PTPRD: variants seen among roughly 807,000 people sequenced by gnomAD.
PTPRD encodes protein tyrosine phosphatase receptor type D.
Under a neutral mutation model 214.5 loss-of-function variants are expected in PTPRD, and 34 were observed. The ratio of observed to expected loss-of-function variants is 0.16; its 90% CI spans 0.12 to 0.21. The LOEUF is 0.21. PTPRD is among the 10% of genes least tolerant of loss of function. The pLI, the probability that PTPRD is intolerant of heterozygous loss-of-function variation, is 1.00. For synonymous variants in PTPRD, 1,128 were observed against 845.7 expected (o/e 1.33, Z -5.79); for missense variants, 2,545 against 2,398.7 (o/e 1.06, Z -1.27).
intron 5 of PTPRD, among the ~76,000 whole-genome samples, chr9:9,936,223 C>T (rs1285991376): frequency 2.7e-5 from 4 of 148,684 alleles, no homozygotes; most frequent in Non-Finnish European, 4.4e-5. Flanking sequence ...CCAAAATTGA[C>T]AAATGGGATC....
At chr9:8,589,691 A>G (rs149963378) in intron 14 of PTPRD, among the ~76,000 whole-genome samples, 146 of 152,254 alleles carry the variant, frequency 9.6e-4, no homozygotes, top group African/African-American at 3.3e-3. Flanking sequence ...CCTGTCTTGG[A>G]TAGTATCCTG....
intron 2 of PTPRD, among the ~76,000 whole-genome samples, chr9:10,423,289 A>C (rs2098567145): frequency 1.3e-5 from 2 of 151,696 alleles, no homozygotes; most frequent in Admixed American, 1.3e-4. Flanking sequence ...GGAACATCAC[A>C]CTCTGGGGTC....
intron 10 of PTPRD, among the ~76,000 whole-genome samples, chr9:9,081,083 T>C (rs2099758315): frequency 6.6e-6 from 1 of 152,112 alleles, no homozygotes; most frequent in Non-Finnish European, 1.5e-5. Flanking sequence ...TTAATTGTGA[T>C]GTTAGGGTGT....
At chr9:10,612,208 C>CAAAAAAAAAAAAAAAAAAA (rs35311745) in intron 2 of PTPRD, among the ~76,000 whole-genome samples, 190 bp downstream of exon 2, 2 of 126,762 alleles carry the variant, frequency 1.6e-5, no homozygotes, top group Non-Finnish European at 3.3e-5. Flanking sequence ...AGGGCTCTTC[C>CAAAAAAAAAAAAAAAAAAA]AAAAAAAAAA....
intron 10 of PTPRD, among the ~76,000 whole-genome samples, chr9:9,140,191 G>GA (rs71317401): frequency 0.24 from 34,000 of 141,062 alleles, 3,987 homozygotes; most frequent in South Asian, 0.37. Context: ...TCCATGCATG[G>GA]AAAAAAAAAA....
intron 5 of PTPRD, among the ~76,000 whole-genome samples, chr9:9,794,186 C>CAT (rs911684466): frequency 6.8e-6 from 1 of 146,264 alleles, no homozygotes; most frequent in Non-Finnish European, 1.5e-5. Context: ...TGTATATATA[C>CAT]ATATGTGTGT....
intron 7 of PTPRD, among the ~76,000 whole-genome samples, chr9:9,575,191 T>C (rs573083942): frequency 2.0e-5 from 3 of 152,298 alleles, no homozygotes. Flanking sequence ...GTGGCTATCA[T>C]ACCATAATCG....
intron 4 of PTPRD, among the ~76,000 whole-genome samples, chr9:9,960,005 G>C (rs1351174636): frequency 6.6e-6 from 1 of 152,144 alleles, no homozygotes; most frequent in Non-Finnish European, 1.5e-5. Flanking sequence ...AGAAATGGCA[G>C]ACAGTAGCAA....
chr9:10,296,107 T>C (rs542164871), intron 3 of PTPRD, among the ~76,000 whole-genome samples: 2 of 152,054 alleles, frequency 1.3e-5, no homozygotes, highest in South Asian at 2.1e-4. Context: ...ATTATGCCCA[T>C]AAAGATGATT....
chr9:9,444,247 T>G (rs1265570164), intron 8 of PTPRD, among the ~76,000 whole-genome samples: 1 of 152,204 alleles, frequency 6.6e-6, no homozygotes, highest in Non-Finnish European at 1.5e-5. Flanking sequence ...CTTTACTTTT[T>G]TGACTTCTAG....
intron 2 of PTPRD, among the ~76,000 whole-genome samples, chr9:10,389,917 C>A (rs115885842): frequency 0.016 from 2,363 of 151,816 alleles, 67 homozygotes; most frequent in African/African-American, 0.053. Context: ...CCATTGCTGA[C>A]AAGGGATATT....
chr9:9,778,793 G>C (rs1450233785), intron 5 of PTPRD, among the ~76,000 whole-genome samples: 3 of 152,014 alleles, frequency 2.0e-5, no homozygotes, highest in Non-Finnish European at 4.4e-5. Context: ...ATGGCACAAA[G>C]TATGGGAGTA....
chr9:9,331,346 G>T (rs2042238482), intron 9 of PTPRD, among the ~76,000 whole-genome samples: 1 of 151,958 alleles, frequency 6.6e-6, no homozygotes, highest in East Asian at 1.9e-4. Context: ...TCCTTAAATA[G>T]TAGTATGATT....
chr9:9,619,747 G>A (rs2095126157), intron 7 of PTPRD, among the ~76,000 whole-genome samples: 2 of 144,818 alleles, frequency 1.4e-5, no homozygotes, highest in African/African-American at 2.5e-5. Context: ...TTCTATAGAT[G>A]TAATATTTAT....
At chr9:10,069,817 ATGTT>A (rs2097961739) in intron 3 of PTPRD, among the ~76,000 whole-genome samples, 1 of 152,052 alleles carries the variant, frequency 6.6e-6, no homozygotes. Flanking sequence ...ATGTGTTGAC[ATGTT>A]TCTGTATCTT....
chr9:10,522,316 T>G (rs752828434), intron 2 of PTPRD, among the ~76,000 whole-genome samples: 1 of 152,268 alleles, frequency 6.6e-6, no homozygotes, highest in Admixed American at 6.5e-5. Flanking sequence ...AGCCCTCAAG[T>G]GTGTGGTGTG....
At chr9:8,726,569 TAAAAA>T (rs764810328) in intron 12 of PTPRD, among the ~76,000 whole-genome samples, 6 of 1,982 alleles carry the variant, frequency 3.0e-3, no homozygotes, top group African/African-American at 0.013. Context: ...CGGTCTCTAC[TAAAAA>T]AAAAAAAAAA....
chr9:10,576,826 T>A lies in PTPRD; in HGVS notation c.-600+35572A>T, dbSNP rs560744339. ...AAAATAAACATTTGTGAACAAAAAA[T>A]TAACCAAGTTAAATACATCATTGTT... On this transcript the variant is annotated intron_variant, in intron 2 of 45. Transcript: ENST00000381196. Among the ~76,000 whole-genome samples the A allele has an allele frequency of 2.2e-4, 33 of 152,234 alleles. No homozygotes were observed. The Middle Eastern group carries it at 0.014, about 63-fold the overall frequency.
At chr9:8,683,768 G>C (rs1487755944) in intron 12 of PTPRD, among the ~76,000 whole-genome samples, 1 of 152,158 alleles carries the variant, frequency 6.6e-6, no homozygotes, top group Non-Finnish European at 1.5e-5. Context: ...AAGTCGCAAG[G>C]AGACACGGCT....
Sources: gnomAD v4.1 joint callset for allele counts (sites outside exome capture counted in the v4.1 genomes callset) on GRCh38, gnomAD v4.1.1 for gene constraint, MANE v1.5 for transcripts, NCBI Gene and HGNC (gene_info 2026-07-23, HGNC 2026-07-21) for gene names.